CEP20: variants seen among roughly 807,000 people sequenced by gnomAD.
CEP20 encodes FGFR1OP N-terminal like.
CEP20 carries 18 observed loss-of-function variants against 20.0 expected under a neutral mutation model. The observed-to-expected ratio is 0.90, with a 90% CI of 0.62 to 1.34. The LOEUF (loss-of-function observed/expected upper bound fraction) is 1.34. Ranked by LOEUF, CEP20 falls within the 40% of genes most tolerant of loss-of-function variation. The pLI is 0.00. For synonymous variants in CEP20, 77 were observed against 73.7 expected, an observed-to-expected ratio of 1.04 and a Z score of -0.23; for missense variants, 215 against 201.6, an observed-to-expected ratio of 1.07 and a Z score of -0.40.
At chr16:15,868,591 A>G (rs1393682301) in intron 4 of CEP20, among the ~76,000 whole-genome samples, 2 of 152,248 alleles carry the variant, frequency 1.3e-5, no homozygotes, top group African/African-American at 4.8e-5. Context: ...ATAAATTTAG[A>G]TAAGCTGCTA....
At chr16:15,867,632 G>A in intron 4 of CEP20, 116 bp from the exon 5 acceptor site, 1 of 648,268 alleles carries the variant, frequency 1.5e-6, no homozygotes. Flanking sequence ...GAGTACTTTA[G>A]ATGGTTTAGG....
intron 4 of CEP20, among the ~76,000 whole-genome samples, chr16:15,870,527 C>T (rs1220172098): frequency 6.6e-6 from 1 of 152,100 alleles, no homozygotes; most frequent in East Asian, 1.9e-4. Flanking sequence ...CATCACAATA[C>T]TGTAATGTGT....
chr16:15,868,855 G>A (rs776115416), intron 4 of CEP20, among the ~76,000 whole-genome samples: 3 of 152,088 alleles, frequency 2.0e-5, no homozygotes, highest in Non-Finnish European at 4.4e-5. Context: ...TGATAGATGT[G>A]CAATAAAGTT....
chr16:15,870,917 C>T (rs7186216), intron 4 of CEP20, among the ~76,000 whole-genome samples: 10,138 of 152,168 alleles, frequency 0.067, 457 homozygotes, highest in East Asian at 0.22. Flanking sequence ...TGCAGGATAA[C>T]GTGCACCATA....
intron 1 of CEP20, 28 bp downstream of exon 1, chr16:15,888,530 A>T (rs768924843): frequency 6.2e-7 from 1 of 1,613,890 alleles, no homozygotes; most frequent in Non-Finnish European, 8.5e-7. Flanking sequence ...GACGCTTCCC[A>T]TGTGGAGGCC....
chr16:15,878,442 A>C (rs2151426799), intron 3 of CEP20, among the ~76,000 whole-genome samples: 1 of 152,278 alleles, frequency 6.6e-6, no homozygotes, highest in African/African-American at 2.4e-5. Context: ...GGAGAGTTAG[A>C]TTTAACTGGA....
chr16:15,869,405 G>A (rs544876213), intron 4 of CEP20, among the ~76,000 whole-genome samples: 2 of 151,716 alleles, frequency 1.3e-5, no homozygotes, highest in African/African-American at 4.8e-5. Context: ...CCACCTCCTG[G>A]GTTCAAGCGA....
chr16:15,875,755 CTAACAAGGCTAT>C (rs1449090836), intron 3 of CEP20, among the ~76,000 whole-genome samples: 5 of 152,102 alleles, frequency 3.3e-5, no homozygotes, highest in South Asian at 2.1e-4. Flanking sequence ...AAGGGTTGAC[CTAACAAGGCTAT>C]TAACAAGGCT....
chr16:15,884,510 TA>T (rs1018524386), intron 1 of CEP20, among the ~76,000 whole-genome samples: 17 of 152,214 alleles, frequency 1.1e-4, no homozygotes, highest in African/African-American at 3.6e-4. Context: ...TTTTATTTAT[TA>T]TTTTTTTTGA....
intron 1 of CEP20, among the ~76,000 whole-genome samples, chr16:15,886,460 CT>C (rs924392977): frequency 6.6e-6 from 1 of 152,204 alleles, no homozygotes; most frequent in Non-Finnish European, 1.5e-5. Context: ...CTAATTCCAT[CT>C]TTGGAAATTG....
chr16:15,873,044 C>A (rs1315713415), intron 4 of CEP20, among the ~76,000 whole-genome samples: 2 of 151,558 alleles, frequency 1.3e-5, no homozygotes, highest in East Asian at 3.9e-4. Context: ...CAAATACTTA[C>A]AATTTACATG....
chr16:15,867,334 C>G lies in CEP20; in HGVS notation c.*106G>C. 1.3e-6 allele frequency: 1 copy of G among 773,736 alleles called. No homozygotes were observed. Among genetic ancestry groups the G allele is most frequent in the Non-Finnish European group, 1.9e-6 (1 of 531,068 alleles). 47.9% of individuals were successfully genotyped at this position (773,736 alleles called of 1,614,324 possible). A position where few individuals can be genotyped will look rare whatever the true frequency, so the allele number is the denominator to read the frequency against. ...ACATGAGGGGTGTTTTGTAGAAACT[C>G]CAATTTCTACAAACATTAGTGGTGC... On this transcript the variant is annotated 3_prime_UTR_variant, in exon 5 of 5. Transcript: ENST00000255759.
In CEP20 at chr16:15,866,673, C is replaced by T. The variant is rs540495500; in HGVS notation, c.*767G>A. 1 of 152,262 alleles carries T rather than the reference C, an allele frequency of 6.6e-6. No homozygotes were observed. Among genetic ancestry groups the T allele is most frequent in the Admixed American group, 6.5e-5 (1 of 15,282 alleles). 9.4% of individuals were successfully genotyped at this position (152,262 alleles called of 1,614,324 possible). A position where few individuals can be genotyped will look rare whatever the true frequency, so the allele number is the denominator to read the frequency against. The stretch of plus-strand genomic sequence containing the variant: ...TTAAACAATGCCATCTTTGAAAAAT[C>T]CCTTTCTGGTATTTCTCCCAAAGCC... On this transcript the variant is annotated 3_prime_UTR_variant, in exon 5 of 5. Coordinates refer to ENST00000255759, the MANE Select transcript of CEP20 (RefSeq NM_144600.4).
chr16:15,884,008 C>G lies in CEP20; in HGVS notation c.226G>C (p.Glu76Gln). The change falls in exon 2 of 5, where the codon GAA becomes CAA. Residue 76 changes from glutamate (E) to glutamine (Q), a missense_variant and splice_region_variant. Coordinates refer to ENST00000255759, the MANE Select transcript of CEP20 (RefSeq NM_144600.4). ...YKYTASVLIA[E>Q]SGQPVVPLDR... ...TATGTGATAAATAATAACCACTTAC[C>G]TGCTATGAGGACAGATGCTGTATAC... 6.2e-7 allele frequency: 1 copy of G among 1,606,554 alleles called. No individual in the cohort carries two copies. Among genetic ancestry groups the G allele is most frequent in the Non-Finnish European group, 8.5e-7 (1 of 1,174,480 alleles).
chr16:15,873,559 A>C lies in CEP20; in HGVS notation c.380T>G (p.Leu127Arg), dbSNP rs1186223319. Residue 127 changes from leucine (L) to arginine (R), a missense_variant, in exon 4 of 5, where the codon CTG becomes CGG. Coordinates refer to ENST00000255759, the MANE Select transcript of CEP20 (RefSeq NM_144600.4). ...GTKDGIQNAF[L>R]KGPSLQPSDP... ...TGAAGGCTGAAGTGAAGGCCCTTTC[A>C]GAAATGCATTCTGGATGCCATCCTT... 6.2e-7 allele frequency: 1 copy of C among 1,614,136 alleles called. No homozygotes were observed.
chr16:15,879,656 T>C, intron 3 of CEP20, 148 bp downstream of exon 3: 1 of 581,146 alleles, frequency 1.7e-6, no homozygotes, highest in Non-Finnish European at 3.0e-6. Flanking sequence ...CTCATCTGAC[T>C]TATTCACTGC....
intron 3 of CEP20, among the ~76,000 whole-genome samples, chr16:15,876,243 C>T (rs1182268938): frequency 1.3e-5 from 2 of 150,338 alleles, no homozygotes; most frequent in East Asian, 3.9e-4. Flanking sequence ...TTTGGGAGGC[C>T]GAGGCAGGAG....
At position 15,867,503 on chromosome 16, in the gene CEP20, T is replaced by G. The variant is rs757954822; in HGVS notation, c.462A>C (p.Arg154Ser). ...TGTTAGTACTTTTCTGTTCCTCCTT[T>G]CTTAGGTGGTCATCTGAAATGCACA... ...SRRKPMDDHLRKEEQKSTNIE... is the reference protein window; with the variant it reads ...SRRKPMDDHLSKEEQKSTNIE... Residue 154 changes from arginine (R) to serine (S), a missense_variant, in exon 5 of 5, where the codon AGA becomes AGC. Physicochemically the swap from Arg to Ser is moderately radical, Grantham distance 110. Coordinates refer to ENST00000255759, the MANE Select transcript of CEP20 (RefSeq NM_144600.4). 3 of 1,603,914 alleles carry G rather than the reference T, an allele frequency of 1.9e-6. No homozygotes were observed. The African/African-American group carries it at 4.0e-5, about 21-fold the overall frequency.
chr16:15,882,741 ATCTATCT>A (rs2045130710), intron 2 of CEP20, among the ~76,000 whole-genome samples: 2 of 116,638 alleles, frequency 1.7e-5, no homozygotes, highest in Non-Finnish European at 3.8e-5. Context: ...ATATCTATCT[ATCTATCT>A]ATCTATCTAT....
Sources: gnomAD v4.1 joint callset for allele counts (sites outside exome capture counted in the v4.1 genomes callset) on GRCh38, gnomAD v4.1.1 for gene constraint, MANE v1.5 for transcripts, NCBI Gene and HGNC (gene_info 2026-07-23, HGNC 2026-07-21) for gene names.